Variants in SNAP91 observed in about 807,000 individuals in gnomAD.
SNAP91 encodes synaptosome associated protein 91, also known as clathrin coat assembly protein AP180.
SNAP91 carries 27 observed loss-of-function variants against 100.3 expected under a neutral mutation model. That is an observed-to-expected ratio of 0.27 (90% confidence interval 0.20 to 0.37). The LOEUF (loss-of-function observed/expected upper bound fraction) is 0.37, where lower values mean the gene tolerates loss of function less well. SNAP91 is among the 10% of genes least tolerant of loss of function. The pLI is 1.00. For missense variants in SNAP91, 986 were observed against 1,123.7 expected (o/e 0.88, Z 1.75); for synonymous variants, 404 against 398.6 (o/e 1.01, Z -0.16).
chr6:83,565,690 T>C (rs1410823226), intron 26 of SNAP91, among the ~76,000 whole-genome samples: 2 of 152,134 alleles, frequency 1.3e-5, no homozygotes, highest in Non-Finnish European at 2.9e-5. Flanking sequence ...ATACAAATGA[T>C]CAATACACAC....
At chr6:83,630,384 CCTCTTT>C (rs2097157631) in intron 8 of SNAP91, among the ~76,000 whole-genome samples, 1 of 152,012 alleles carries the variant, frequency 6.6e-6, no homozygotes, top group African/African-American at 2.4e-5. Context: ...GGGAGGGTTT[CCTCTTT>C]CTCTATCTTG....
At position 83,661,565 on chromosome 6, in the gene SNAP91, T is replaced by C. The variant is rs763835832; in HGVS notation, c.389A>G (p.Tyr130Cys). Residue 130 changes from tyrosine (Y) to cysteine (C), a missense_variant, in exon 5 of 30, where the codon TAT (tyrosine) becomes TGT (cysteine). Physicochemically the swap from Tyr to Cys is radical, Grantham distance 194 (BLOSUM62 -2). Transcript: ENST00000369694. ...GTAAGAAAAAGCCTTTTCATTCAAA[T>C]ATCTACTATAGCGCCTTATGAAGGT... ...MSTFIRRYSR[Y>C]LNEKAFSYRQ... The C allele has an allele frequency of 6.2e-7, 1 of 1,610,950 alleles. No individual in the cohort carries two copies. The highest frequency in any genetic ancestry group is 8.5e-7 in the Non-Finnish European group (1 of 1,178,438).
intron 6 of SNAP91, among the ~76,000 whole-genome samples, chr6:83,657,102 A>G (rs569445264): frequency 1.2e-4 from 19 of 152,312 alleles, no homozygotes; most frequent in Non-Finnish European, 2.4e-4. Flanking sequence ...TTATATATAT[A>G]TGTGTTTATA....
chr6:83,678,799 T>C, intron 2 of SNAP91: 1 of 1,287,892 alleles, frequency 7.8e-7, no homozygotes, highest in South Asian at 1.2e-5. Flanking sequence ...TTGAACGCCC[T>C]CATCTTACTT....
At chr6:83,681,174 G>C (rs933037453) in intron 2 of SNAP91, among the ~76,000 whole-genome samples, 1 of 152,106 alleles carries the variant, frequency 6.6e-6, no homozygotes, top group African/African-American at 2.4e-5. Flanking sequence ...AGTCAAAAAT[G>C]GTTAACACCA....
At chr6:83,659,379 T>C (rs1198156059) in intron 5 of SNAP91, among the ~76,000 whole-genome samples, 1 of 152,090 alleles carries the variant, frequency 6.6e-6, no homozygotes, top group Non-Finnish European at 1.5e-5. Flanking sequence ...AATGGATTTT[T>C]CTAAATCTAT....
chr6:83,646,186 T>C (rs2097911047), intron 7 of SNAP91, among the ~76,000 whole-genome samples: 1 of 152,208 alleles, frequency 6.6e-6, no homozygotes, highest in Non-Finnish European at 1.5e-5. Flanking sequence ...TTACTCTTTT[T>C]CTTGACACTG....
Position 83,574,991 on chromosome 6 carries a change from G to A in SNAP91, c.2442+19C>T. 1.3e-6 allele frequency: 2 copies of A among 1,521,948 alleles called. No individual in the cohort carries two copies. The highest frequency in any genetic ancestry group is 1.8e-6 in the Non-Finnish European group (2 of 1,111,724). 94.3% of individuals were successfully genotyped at this position (1,521,948 alleles called of 1,614,324 possible). A position where few individuals can be genotyped will look rare whatever the true frequency, so the allele number is the denominator to read the frequency against. The stretch of plus-strand genomic sequence containing the variant: ...CTGGCAAACTGCCTGCGCTGCCCTG[G>A]GCTCTGATTGCTACATACCAAAGGT... On this transcript the variant is annotated intron_variant, in intron 26 of 29. Transcript: ENST00000369694.
At chr6:83,693,205 G>A (rs2099153821) in intron 2 of SNAP91, among the ~76,000 whole-genome samples, 1 of 152,152 alleles carries the variant, frequency 6.6e-6, no homozygotes, top group Non-Finnish European at 1.5e-5. Context: ...CATTAGGCGT[G>A]GGACCTTGGA....
chr6:83,610,561 G>A (rs1267796101), intron 12 of SNAP91, 89 bp downstream of exon 12: 3 of 447,032 alleles, frequency 6.7e-6, no homozygotes, highest in Non-Finnish European at 1.2e-5. Context: ...CAATGTTAAG[G>A]TATATAATGC....
At chr6:83,573,453 T>C (rs1365393158) in intron 26 of SNAP91, among the ~76,000 whole-genome samples, 1 of 152,118 alleles carries the variant, frequency 6.6e-6, no homozygotes, top group Non-Finnish European at 1.5e-5. Flanking sequence ...AAAAACTACT[T>C]TAAAGTTCAT....
intron 23 of SNAP91, 26 bp from the exon 24 acceptor site, chr6:83,580,625 G>A: frequency 6.4e-7 from 1 of 1,554,696 alleles, no homozygotes. Flanking sequence ...ACTAGGTTCA[G>A]AATAATTGAA....
chr6:83,579,998 G>A (rs1398842357), intron 24 of SNAP91, among the ~76,000 whole-genome samples: 1 of 152,024 alleles, frequency 6.6e-6, no homozygotes, highest in Non-Finnish European at 1.5e-5. Context: ...TTTGCTCACT[G>A]GTTTATCTCT....
At chr6:83,680,190 C>CT (rs2098968738) in intron 2 of SNAP91, among the ~76,000 whole-genome samples, 1 of 152,070 alleles carries the variant, frequency 6.6e-6, no homozygotes, top group Non-Finnish European at 1.5e-5. Flanking sequence ...ACTTCCCCCC[C>CT]ATTCATACCT....
At position 83,661,579 on chromosome 6, in the gene SNAP91, C is replaced by T; in HGVS notation, c.375G>A (p.Arg125=). 1 of 1,604,256 alleles carries T rather than the reference C, an allele frequency of 6.2e-7. No homozygotes were observed. The change falls in exon 5 of 30, where the codon AGG becomes AGA. Residue 125 remains arginine, a synonymous_variant. Coordinates refer to ENST00000369694, the MANE Select transcript of SNAP91 (RefSeq NM_001242792.2). Reference sequence around the variant, plus strand: ...TTTCATTCAAATATCTACTATAGCGCCTTATGAAGGTAGACATATCATAAC... The same window carrying T: ...TTTCATTCAAATATCTACTATAGCGTCTTATGAAGGTAGACATATCATAAC... ...SHGYDMSTFI[R]RYSRYLNEKA... is the part of the protein sequence containing the mutation.
chr6:83,665,320 G>A lies in SNAP91; in HGVS notation c.273+119C>T. 7 of 978,660 alleles carry A rather than the reference G, an allele frequency of 7.2e-6. 1 individual carries two copies. The highest frequency in any genetic ancestry group is 1.1e-5 in the Non-Finnish European group (7 of 656,970). The allele number at this position is 978,660 out of a possible 1,614,324, so 60.6% of individuals were successfully genotyped here. A position where few individuals can be genotyped will look rare whatever the true frequency, so the allele number is the denominator to read the frequency against. ...CTTGTATTCTAGATGATCCGGAACT[G>A]TGTATTTCCTTTTCTTTTTCTCCTA... is the stretch of plus-strand genomic sequence containing the variant. On this transcript the variant is annotated intron_variant, in intron 3 of 29. Transcript: ENST00000369694.
intron 2 of SNAP91, chr6:83,679,004 C>G (rs775255706): frequency 2.2e-6 from 1 of 452,842 alleles, no homozygotes; most frequent in Non-Finnish European, 3.2e-6. Flanking sequence ...TCCTCAGATT[C>G]AACCAAACTC....
chr6:83,644,521 T>C (rs1430116989), intron 7 of SNAP91, among the ~76,000 whole-genome samples: 1 of 152,172 alleles, frequency 6.6e-6, no homozygotes, highest in Non-Finnish European at 1.5e-5. Context: ...ACTTTCAATA[T>C]TTGAAATGAT....
At chr6:83,620,639 G>A (rs183056649) in intron 9 of SNAP91, among the ~76,000 whole-genome samples, 1 of 152,074 alleles carries the variant, frequency 6.6e-6, no homozygotes, top group East Asian at 1.9e-4. Context: ...AGAAACCACA[G>A]TATTAAGAAA....
Sources: allele counts gnomAD v4.1 joint callset (sites outside exome capture counted in the v4.1 genomes callset), GRCh38; gene constraint gnomAD v4.1.1; transcripts MANE v1.5; gene names NCBI Gene and HGNC (gene_info 2026-07-23, HGNC 2026-07-21).